ZNRF1: variants seen among roughly 807,000 people sequenced by gnomAD.
The protein encoded by ZNRF1 is E3 ubiquitin-protein ligase ZNRF1.
Under a neutral mutation model 18.4 loss-of-function variants are expected in ZNRF1, and 3 were observed. The observed-to-expected ratio is 0.16, with a 90% CI of 0.07 to 0.42. The LOEUF is 0.42. ZNRF1 is among the 10% of genes least tolerant of loss of function. The pLI, the probability that ZNRF1 is intolerant of heterozygous loss-of-function variation, is 0.99. For missense variants in ZNRF1, 310 were observed against 329.8 expected (o/e 0.94, Z 0.47); for synonymous variants, 157 against 144.2 (o/e 1.09, Z -0.64).
At chr16:75,059,310 C>T (rs2035713435) in intron 1 of ZNRF1, among the ~76,000 whole-genome samples, 1 of 123,612 alleles carries the variant, frequency 8.1e-6, no homozygotes. Flanking sequence ...TGCAATGGCG[C>T]AATTTTGGCT....
intron 3 of ZNRF1, chr16:75,105,974 C>T (rs1484909030): frequency 6.4e-5 from 10 of 155,376 alleles, no homozygotes; most frequent in Admixed American, 6.3e-4. Flanking sequence ...GCTTGGGGCT[C>T]TCCTAAGAGG....
intron 1 of ZNRF1, among the ~76,000 whole-genome samples, chr16:75,046,378 A>G (rs530740934): frequency 6.6e-6 from 1 of 151,310 alleles, no homozygotes; most frequent in South Asian, 2.1e-4. Flanking sequence ...CAGCCTCCCA[A>G]GTAGCTGGGA....
rs142402453 is a variant in ZNRF1 at position 75,013,216 on chromosome 16, C to T, written c.424+13121C>T. On this transcript the variant is annotated intron_variant, in intron 1 of 4. Transcript: ENST00000335325. Reference sequence around the variant, plus strand: ...TCTTTTGCCTAAGGAGTTCAGAACACAGAGAAAAGTGATGATCACCTTTAT... The same window carrying T: ...TCTTTTGCCTAAGGAGTTCAGAACATAGAGAAAAGTGATGATCACCTTTAT... Among the ~76,000 whole-genome samples, 503 of 152,280 alleles carry T rather than the reference C, an allele frequency of 3.3e-3. 5 individuals carry two copies. The highest frequency in any genetic ancestry group is 0.012 in the African/African-American group (479 of 41,560).
chr16:75,020,726 T>C (rs1038934235), intron 1 of ZNRF1, among the ~76,000 whole-genome samples: 8 of 152,080 alleles, frequency 5.3e-5, no homozygotes, highest in African/African-American at 1.9e-4. Flanking sequence ...GTATTTTTAG[T>C]GGAGACAAGG....
At chr16:75,087,743 C>G (rs2036090935) in intron 1 of ZNRF1, among the ~76,000 whole-genome samples, 1 of 152,270 alleles carries the variant, frequency 6.6e-6, no homozygotes, top group Non-Finnish European at 1.5e-5. Context: ...CTGCCTCTGC[C>G]TCTGTCTGGT....
chr16:75,058,758 C>G (rs1186330460), intron 1 of ZNRF1, among the ~76,000 whole-genome samples: 1 of 152,210 alleles, frequency 6.6e-6, no homozygotes, highest in East Asian at 1.9e-4. Flanking sequence ...TCTTGCTCTG[C>G]TGGTTGGACT....
rs147829838 is a variant in ZNRF1, at chr16:75,093,666, C to T, written c.519C>T (p.Asn173=). 21 of 1,613,254 alleles carry T rather than the reference C, an allele frequency of 1.3e-5. No individual in the cohort carries two copies. Among genetic ancestry groups the T allele is most frequent in the Admixed American group, 5.0e-5 (3 of 60,010 alleles). ...TGAGCAAACCTCGCCTCTCCTACAA[C>T]GGTAAGGGCTTGGCCTGCCTCACCA... ...MCLSKPRLSY[N]DDVLTKDAGE... is the part of the protein sequence containing the mutation. Residue 173 remains asparagine (N), a splice_region_variant and synonymous_variant, in exon 2 of 5, where the codon AAC becomes AAT. Coordinates refer to ENST00000335325, the MANE Select transcript of ZNRF1 (RefSeq NM_032268.5).
chr16:75,029,078 C>CTTT (rs35493485), intron 1 of ZNRF1, among the ~76,000 whole-genome samples: 4,092 of 144,072 alleles, frequency 0.028, 172 homozygotes, highest in African/African-American at 0.088. Context: ...CAATCTTGAC[C>CTTT]TTTTTTTTTT....
At chr16:75,064,726 A>C (rs2035781761) in intron 1 of ZNRF1, among the ~76,000 whole-genome samples, 1 of 152,214 alleles carries the variant, frequency 6.6e-6, no homozygotes, top group South Asian at 2.1e-4. Flanking sequence ...TCCATGAAAG[A>C]GCTAAATGAG....
chr16:75,005,531 C>G (rs2034906112), intron 1 of ZNRF1, among the ~76,000 whole-genome samples: 1 of 152,092 alleles, frequency 6.6e-6, no homozygotes, highest in Non-Finnish European at 1.5e-5. Context: ...GGTATTCACC[C>G]CAAGCTTATT....
intron 1 of ZNRF1, among the ~76,000 whole-genome samples, chr16:75,025,110 C>T (rs1346167538): frequency 6.6e-6 from 1 of 152,030 alleles, no homozygotes; most frequent in Non-Finnish European, 1.5e-5. Flanking sequence ...CTCTGTTGCC[C>T]AGGCTGGAGT....
chr16:75,017,918 C>G (rs1248558871), intron 1 of ZNRF1, among the ~76,000 whole-genome samples: 1 of 152,144 alleles, frequency 6.6e-6, no homozygotes, highest in African/African-American at 2.4e-5. Context: ...TAGTTAAGGT[C>G]ACAGGCTTGG....
At chr16:75,041,934 C>T (rs1011326296) in intron 1 of ZNRF1, among the ~76,000 whole-genome samples, 2 of 151,912 alleles carry the variant, frequency 1.3e-5, no homozygotes, top group Non-Finnish European at 2.9e-5. Context: ...AGACGGAGGT[C>T]GCAGTGAGCT....
rs367903285 is a variant in ZNRF1 at position 75,103,011 on chromosome 16, A to T, written c.521-1773A>T. ...TCCACCTTCTCCAGAACCTTCCCAGATCAGCCCCCATCCTGATGAGGTCTC... is the reference window on the plus strand; with the variant it reads ...TCCACCTTCTCCAGAACCTTCCCAGTTCAGCCCCCATCCTGATGAGGTCTC... On this transcript the variant is annotated intron_variant, in intron 2 of 4. Coordinates refer to ENST00000335325, the MANE Select transcript of ZNRF1 (RefSeq NM_032268.5). Among the ~76,000 whole-genome samples, 4 of 152,204 alleles carry T rather than the reference A, an allele frequency of 2.6e-5. No homozygotes were observed. The South Asian group carries it at 8.3e-4, about 32-fold the overall frequency.
chr16:75,034,786 C>G (rs1341244933), intron 1 of ZNRF1, among the ~76,000 whole-genome samples: 1 of 150,756 alleles, frequency 6.6e-6, no homozygotes, highest in Non-Finnish European at 1.5e-5. Context: ...ACCACTATAC[C>G]TGGCTAATTT....
intron 1 of ZNRF1, among the ~76,000 whole-genome samples, chr16:75,049,567 T>C (rs1315601696): frequency 1.3e-5 from 2 of 152,102 alleles, no homozygotes; most frequent in African/African-American, 2.4e-5. Context: ...GAGGCTGAGA[T>C]GGGCAGATCA....
chr16:75,041,983 C>G (rs2035454098), intron 1 of ZNRF1, among the ~76,000 whole-genome samples: 2 of 152,028 alleles, frequency 1.3e-5, no homozygotes, highest in Admixed American at 6.5e-5. Context: ...GCAACAAGAG[C>G]AAAACTCCGT....
At chr16:75,085,791 T>TGAGAGAGAGAGAGAGAGAGAGAGAGAGA (rs71378737) in intron 1 of ZNRF1, among the ~76,000 whole-genome samples, 1 of 139,034 alleles carries the variant, frequency 7.2e-6, no homozygotes, top group African/African-American at 2.9e-5. Flanking sequence ...TCCGACAGAG[T>TGAGAGAGAGAGAGAGAGAGAGAGAGAGA]GAGAGAGAGA....
At position 75,040,598 on chromosome 16, in the gene ZNRF1, G is replaced by GTTTTTTTTTT. The variant is rs61513153; in HGVS notation, c.424+40519_424+40528dup. ...ATGTTTTTGTTTTTGTTTTTTGTGGGTTTTTTTTTTTTTTTTTTTTTTTTT... is the reference window on the plus strand; with the variant it reads ...ATGTTTTTGTTTTTGTTTTTTGTGGGTTTTTTTTTTTTTTTTTTTTTTTTTTTTTTTTTTT... On this transcript the variant is annotated intron_variant, in intron 1 of 4. Transcript: ENST00000335325. Among the ~76,000 whole-genome samples, 6 of 46,350 alleles carry GTTTTTTTTTT rather than the reference G, an allele frequency of 1.3e-4. 1 individual carries two copies. Among genetic ancestry groups the GTTTTTTTTTT allele is most frequent in the African/African-American group, 4.0e-4 (5 of 12,556 alleles). 30.4% of individuals were successfully genotyped at this position (46,350 alleles called of 152,430 possible). A position where few individuals can be genotyped will look rare whatever the true frequency, so the allele number is the denominator to read the frequency against.
Sources: allele counts gnomAD v4.1 joint callset (sites outside exome capture counted in the v4.1 genomes callset), GRCh38; gene constraint gnomAD v4.1.1; transcripts MANE v1.5; gene names NCBI Gene and HGNC (gene_info 2026-07-23, HGNC 2026-07-21).